FAM151B: variants seen among roughly 807,000 people sequenced by gnomAD.
The protein encoded by FAM151B is family with sequence similarity 151 member B, also known as protein FAM151B.
A neutral mutation model predicts 31.2 loss-of-function variants in FAM151B; 24 were observed. The ratio of observed to expected loss-of-function variants is 0.77; its 90% CI spans 0.56 to 1.08. The LOEUF (loss-of-function observed/expected upper bound fraction) is 1.08. Ranked by LOEUF, FAM151B falls within the 50% of genes least tolerant of loss-of-function variation. The pLI is 0.00. For missense variants in FAM151B, 293 were observed against 328.6 expected (o/e 0.89, Z 0.84); for synonymous variants, 105 against 111.4 (o/e 0.94, Z 0.36).
chr5:80,505,608 A>G (rs1168395997), intron 2 of FAM151B, among the ~76,000 whole-genome samples: 3 of 151,110 alleles, frequency 2.0e-5, no homozygotes, highest in East Asian at 2.0e-4. Context: ...GTTAGCCAGG[A>G]TGGTCTCGAT....
At chr5:80,492,106 A>G (rs1015847369) in intron 1 of FAM151B, among the ~76,000 whole-genome samples, 1 of 152,164 alleles carries the variant, frequency 6.6e-6, no homozygotes, top group South Asian at 2.1e-4. Flanking sequence ...GTAGTGGTGG[A>G]TACATGCCAT....
At chr5:80,489,809 A>G (rs1436472132) in intron 1 of FAM151B, among the ~76,000 whole-genome samples, 2 of 150,072 alleles carry the variant, frequency 1.3e-5, no homozygotes, top group East Asian at 4.0e-4. Context: ...CTGTAGTCTC[A>G]ACTACTAAGG....
intron 5 of FAM151B, among the ~76,000 whole-genome samples, chr5:80,533,245 C>T (rs1039103575): frequency 2.2e-4 from 33 of 151,740 alleles, no homozygotes; most frequent in African/African-American, 7.5e-4. Context: ...GGCGTGGTGG[C>T]GGGTGCCTGT....
rs3846681 is a variant in FAM151B, at chr5:80,505,051, G to A, written c.151+3134G>A. Among the ~76,000 whole-genome samples the A allele has an allele frequency of 1.6e-3, 246 of 152,308 alleles. No individual in the cohort carries two copies. The East Asian group carries it at 0.026, about 16-fold the overall frequency. On this transcript the variant is annotated intron_variant, in intron 2 of 5. Coordinates refer to ENST00000282226, the MANE Select transcript of FAM151B (RefSeq NM_205548.3). ...CATCAGGACTCAGCACTATTCACATGGTTGAAGAATTCCACCTTTGGCAGA... is the reference window on the plus strand; with the variant it reads ...CATCAGGACTCAGCACTATTCACATAGTTGAAGAATTCCACCTTTGGCAGA...
At chr5:80,539,532 C>T (rs1272664774) in intron 5 of FAM151B, among the ~76,000 whole-genome samples, 1 of 152,066 alleles carries the variant, frequency 6.6e-6, no homozygotes, top group African/African-American at 2.4e-5. Flanking sequence ...TACTCTGTAG[C>T]CCAAGCTGGA....
intron 2 of FAM151B, among the ~76,000 whole-genome samples, chr5:80,509,019 G>C (rs377348518): frequency 9.2e-5 from 14 of 152,020 alleles, no homozygotes; most frequent in African/African-American, 3.1e-4. Context: ...TGTCACCCAG[G>C]CCGTAGTGCA....
intron 1 of FAM151B, among the ~76,000 whole-genome samples, chr5:80,499,601 A>G (rs756742743): frequency 1.3e-5 from 2 of 152,068 alleles, no homozygotes; most frequent in Non-Finnish European, 1.5e-5. Context: ...CCAGCATTGT[A>G]GAGAACATCA....
intron 5 of FAM151B, 69 bp downstream of exon 5, chr5:80,522,207 T>C (rs1281276387): frequency 2.0e-6 from 3 of 1,485,282 alleles, no homozygotes; most frequent in Admixed American, 1.7e-5. Context: ...GGCATGAAAA[T>C]TGATTATTTA....
chr5:80,528,546 A>G (rs996094536), intron 5 of FAM151B, among the ~76,000 whole-genome samples: 2 of 151,766 alleles, frequency 1.3e-5, no homozygotes, highest in African/African-American at 4.8e-5. Context: ...AATGGAAACC[A>G]AAAAAGAGCA....
At chr5:80,494,451 C>CTTTCTTTCTTTTCT (rs776271080) in intron 1 of FAM151B, among the ~76,000 whole-genome samples, 1 of 46,586 alleles carries the variant, frequency 2.1e-5, no homozygotes, top group African/African-American at 4.8e-5. Context: ...CTTTTTCTTT[C>CTTTCTTTCTTTTCT]TTTCTTTTCT....
intron 5 of FAM151B, among the ~76,000 whole-genome samples, chr5:80,536,904 G>A (rs2112675630): frequency 6.6e-6 from 1 of 152,288 alleles, no homozygotes; most frequent in South Asian, 2.1e-4. Context: ...GCGGGGATAG[G>A]TAGTGGTGGT....
chr5:80,491,187 A>C (rs899691131), intron 1 of FAM151B, among the ~76,000 whole-genome samples: 1 of 133,118 alleles, frequency 7.5e-6, no homozygotes, highest in Non-Finnish European at 1.6e-5. Context: ...TAAGAAGTTC[A>C]AAATATATAA....
intron 5 of FAM151B, among the ~76,000 whole-genome samples, chr5:80,536,256 C>T (rs931434061): frequency 2.0e-5 from 3 of 151,948 alleles, no homozygotes; most frequent in East Asian, 3.9e-4. Context: ...CTGCAACCTC[C>T]GCCTCCCAGG....
intron 2 of FAM151B, among the ~76,000 whole-genome samples, chr5:80,503,075 C>T (rs755066944): frequency 7.3e-5 from 11 of 151,462 alleles, no homozygotes; most frequent in Admixed American, 2.0e-4. Flanking sequence ...CTTCTGAATA[C>T]GCTAAATAAA....
intron 3 of FAM151B, among the ~76,000 whole-genome samples, chr5:80,515,580 C>T (rs1391637873): frequency 1.3e-5 from 2 of 152,172 alleles, no homozygotes; most frequent in African/African-American, 2.4e-5. Context: ...CCAGTCAGAT[C>T]AGCTCATTCA....
At chr5:80,520,198 A>C (rs973022936) in intron 4 of FAM151B, among the ~76,000 whole-genome samples, 1 of 152,162 alleles carries the variant, frequency 6.6e-6, no homozygotes, top group Non-Finnish European at 1.5e-5. Flanking sequence ...AATTTTCCAG[A>C]TTTTAAAGGA....
intron 1 of FAM151B, 115 bp downstream of exon 1, chr5:80,488,263 C>A: frequency 7.6e-7 from 1 of 1,317,920 alleles, no homozygotes; most frequent in Non-Finnish European, 1.0e-6. Flanking sequence ...CCTGGGAGCG[C>A]GCCGCGCAGA....
chr5:80,507,962 C>T (rs556831392), intron 2 of FAM151B, among the ~76,000 whole-genome samples: 60 of 152,276 alleles, frequency 3.9e-4, no homozygotes, highest in Admixed American at 9.1e-4. Context: ...CCTTTGGTAT[C>T]GGCTGAATTG....
At chr5:80,501,672 CTATA>C (rs137888883) in intron 1 of FAM151B, 116 bp from the exon 2 acceptor site, 11 of 591,374 alleles carry the variant, frequency 1.9e-5, no homozygotes, top group South Asian at 2.8e-5. Context: ...ATCTATCTAT[CTATA>C]TATATATATC....
Sources: gnomAD v4.1 joint callset for allele counts (sites outside exome capture counted in the v4.1 genomes callset) on GRCh38, gnomAD v4.1.1 for gene constraint, MANE v1.5 for transcripts, NCBI Gene and HGNC (gene_info 2026-07-23, HGNC 2026-07-21) for gene names.